Variants in HMCN2 observed in about 807,000 individuals in gnomAD.
HMCN2 encodes hemicentin 2.
In HMCN2, 325 loss-of-function variants were observed where a neutral mutation model predicts 377.5. The observed-to-expected ratio is 0.86, with a 90% confidence interval of 0.79 to 0.94. The LOEUF (loss-of-function observed/expected upper bound fraction) is 0.94, where lower values mean the gene tolerates loss of function less well. HMCN2 is among the 40% of genes least tolerant of loss of function. The pLI is 0.00. For missense variants in HMCN2, 4,543 were observed against 4,725.3 expected, an observed-to-expected ratio of 0.96 and a Z score of 1.13; for synonymous variants, 2,007 against 2,046.8, an observed-to-expected ratio of 0.98 and a Z score of 0.53.
rs1265754773 is a variant in HMCN2 at position 130,360,030 on chromosome 9, G to C, written c.5774-398G>C. On this transcript the variant is annotated intron_variant, in intron 37 of 97. Transcript: ENST00000683500. The surrounding 1 kb of genome is among the most constrained non-coding windows in gnomAD (Gnocchi z 4.7). ...GGTCCATGTTCTCTAATGCCCCCTAGGGGACGGGGTCTTCTGGTAGGGGGA... is the reference window on the plus strand; with the variant it reads ...GGTCCATGTTCTCTAATGCCCCCTACGGGACGGGGTCTTCTGGTAGGGGGA... Among the ~76,000 whole-genome samples, 1 of 152,108 alleles carries C rather than the reference G, an allele frequency of 6.6e-6. No individual in the cohort carries two copies. The highest frequency in any genetic ancestry group is 1.9e-4 in the East Asian group (1 of 5,190).
In HMCN2 at chr9:130,428,571, G is replaced by A. The variant is rs950990248; in HGVS notation, c.14197+82G>A. The A allele has an allele frequency of 2.0e-6, 3 of 1,492,534 alleles. No individual in the cohort carries two copies. The highest frequency in any genetic ancestry group is 1.4e-5 in the African/African-American group (1 of 72,262). The allele number at this position is 1,492,534 out of a possible 1,614,324, so 92.5% of individuals were successfully genotyped here. ...GGGATCAGCTGACAGGGGGCTGTGTGTCACTGGGCTCTGGGCTTCCAGGAA... is the reference window on the plus strand; with the variant it reads ...GGGATCAGCTGACAGGGGGCTGTGTATCACTGGGCTCTGGGCTTCCAGGAA... On this transcript the variant is annotated intron_variant, in intron 93 of 97. Coordinates refer to ENST00000683500, the MANE Select transcript of HMCN2 (RefSeq NM_001291815.2). The surrounding 1 kb of genome is among the most constrained non-coding windows in gnomAD (Gnocchi z 5.0).
chr9:130,284,504 C>A (rs538303223), intron 1 of HMCN2, 99 bp from the exon 2 acceptor site: 1 of 451,132 alleles, frequency 2.2e-6, no homozygotes, highest in African/African-American at 2.0e-5. Flanking sequence ...AGCCTCAGCT[C>A]CTCTGAACAT....
At chr9:130,349,178 T>G (rs1406522806) in intron 28 of HMCN2, 47 bp downstream of exon 28, 1 of 1,286,796 alleles carries the variant, frequency 7.8e-7, no homozygotes, top group Non-Finnish European at 1.0e-6. Context: ...TCTGGCCCTG[T>G]AGCCCCAACT....
At chr9:130,390,227 T>C (rs1842236263) in intron 62 of HMCN2, among the ~76,000 whole-genome samples, 1 of 152,180 alleles carries the variant, frequency 6.6e-6, no homozygotes, top group East Asian at 1.9e-4. Flanking sequence ...CAGCGGAGAT[T>C]CACCACCTCT....
At chr9:130,363,710 C>G (rs1840515436) in intron 40 of HMCN2, among the ~76,000 whole-genome samples, 1 of 151,466 alleles carries the variant, frequency 6.6e-6, no homozygotes, top group Non-Finnish European at 1.5e-5. Context: ...GTAGTCCCAG[C>G]TACTCGAAAG....
At chr9:130,331,783 G>C (rs1433536151) in intron 22 of HMCN2, among the ~76,000 whole-genome samples, 1 of 152,196 alleles carries the variant, frequency 6.6e-6, no homozygotes, top group Non-Finnish European at 1.5e-5. Context: ...GAGATGGGAC[G>C]GCTGTGAGCA....
rs1347057365 is a variant in HMCN2, at chr9:130,295,673, C to T, written c.792C>T (p.Ile264=). Residue 264 remains isoleucine, a synonymous_variant, in exon 6 of 98, where the codon ATC becomes ATT. Coordinates refer to ENST00000683500, the MANE Select transcript of HMCN2 (RefSeq NM_001291815.2). ...EIEVQDPLGR[I]LQEDEGLNVL... ...CCCTTGGGGCTTCCACAGGGAGGAT[C>T]CTGCAGGAGGACGAGGGCCTCAACG... is the stretch of plus-strand genomic sequence containing the variant. The T allele has an allele frequency of 1.3e-5, 6 of 470,736 alleles. No homozygotes were observed. Among genetic ancestry groups the T allele is most frequent in the African/African-American group, 1.2e-4 (6 of 50,062 alleles). 29.2% of individuals were successfully genotyped at this position (470,736 alleles called of 1,614,324 possible).
At chr9:130,314,537 A>G (rs2131378349) in intron 15 of HMCN2, among the ~76,000 whole-genome samples, 1 of 152,266 alleles carries the variant, frequency 6.6e-6, no homozygotes, top group African/African-American at 2.4e-5. Flanking sequence ...CTGCCACCCT[A>G]GGCCCAATCG....
At chr9:130,373,177 A>G in intron 48 of HMCN2, 53 bp downstream of exon 48, 1 of 697,932 alleles carries the variant, frequency 1.4e-6, no homozygotes, top group Non-Finnish European at 1.8e-6. Flanking sequence ...AGGCACCTTC[A>G]GAAAGGAGGG....
At chr9:130,430,086 T>C in intron 94 of HMCN2, 198 bp from the exon 95 acceptor site, 1 of 618,442 alleles carries the variant, frequency 1.6e-6, no homozygotes, top group Non-Finnish European at 2.8e-6. Context: ...AGGCTGGGCC[T>C]CTGGGAGCTG....
chr9:130,412,567 C>CTTTTTTTTTTTTTTTTTTT (rs55873444), intron 85 of HMCN2, among the ~76,000 whole-genome samples: 8 of 134,528 alleles, frequency 5.9e-5, no homozygotes, highest in East Asian at 2.2e-4. Flanking sequence ...CTTTCTTTCT[C>CTTTTTTTTTTTTTTTTTTT]TTTTTTTTTT....
chr9:130,431,246 G>T, intron 95 of HMCN2, 121 bp from the exon 96 acceptor site: 1 of 1,023,478 alleles, frequency 9.8e-7, no homozygotes, highest in South Asian at 1.6e-5. Context: ...GGCAGGACAG[G>T]GAGAAGGAGC....
At chr9:130,281,480 C>G (rs1588165994) in intron 1 of HMCN2, among the ~76,000 whole-genome samples, 1 of 152,064 alleles carries the variant, frequency 6.6e-6, no homozygotes, top group Middle Eastern at 3.4e-3. Flanking sequence ...CCTCTGTAAT[C>G]CCAGCTACTT....
Position 130,304,078 on chromosome 9 carries a change from C to T in HMCN2, c.1543+470C>T, listed in dbSNP as rs1271178336. Among the ~76,000 whole-genome samples, 2 of 152,236 alleles carry T rather than the reference C, an allele frequency of 1.3e-5. No homozygotes were observed. Among genetic ancestry groups the T allele is most frequent in the Non-Finnish European group, 2.9e-5 (2 of 68,040 alleles). On this transcript the variant is annotated intron_variant, in intron 10 of 97. Coordinates refer to ENST00000683500, the MANE Select transcript of HMCN2 (RefSeq NM_001291815.2). The surrounding 1 kb of genome is among the most constrained non-coding windows in gnomAD (Gnocchi z 4.3). ...AAGGAACCCGTAAGCGTGGAAAGAT[C>T]AGCCACTCTACATAGACAGCCAGAA...
rs763642907 is a variant in HMCN2, at chr9:130,419,059, C to T, written c.13231+18C>T. 2.3e-4 allele frequency: 344 copies of T among 1,480,776 alleles called. No homozygotes were observed. Among genetic ancestry groups the T allele is most frequent in the Middle Eastern group, 5.3e-4 (3 of 5,682 alleles). 91.7% of individuals were successfully genotyped at this position (1,480,776 alleles called of 1,614,324 possible). ...CGTGAGAGGTATGGGGCATCCCTGTCTGGACCTTCGTGGACAGAGGCAGGA... is the reference window on the plus strand; with the variant it reads ...CGTGAGAGGTATGGGGCATCCCTGTTTGGACCTTCGTGGACAGAGGCAGGA... On this transcript the variant is annotated intron_variant, in intron 86 of 97. Coordinates refer to ENST00000683500, the MANE Select transcript of HMCN2 (RefSeq NM_001291815.2).
In HMCN2 at chr9:130,394,630, C is replaced by A; in HGVS notation, c.10692+55C>A. On this transcript the variant is annotated intron_variant, in intron 69 of 97. Transcript: ENST00000683500. The surrounding 1 kb of genome is among the most constrained non-coding windows in gnomAD (Gnocchi z 5.1). ...TGGGGGTTGGGGGAGAGGGGAGGGA[C>A]TGCAGGTTCCCCAGACCCAGTGGGC... 8.3e-7 allele frequency: 1 copy of A among 1,210,312 alleles called. No individual in the cohort carries two copies. Among genetic ancestry groups the A allele is most frequent in the East Asian group, 5.7e-5 (1 of 17,404 alleles). The allele number at this position is 1,210,312 out of a possible 1,614,324, so 75.0% of individuals were successfully genotyped here. A position where few individuals can be genotyped will look rare whatever the true frequency, so the allele number is the denominator to read the frequency against.
In HMCN2 at chr9:130,410,562, C is replaced by T; in HGVS notation, c.12880-9C>T. The T allele has an allele frequency of 2.6e-6, 4 of 1,550,368 alleles. No individual in the cohort carries two copies. Among genetic ancestry groups the T allele is most frequent in the South Asian group, 1.2e-5 (1 of 84,038 alleles). On this transcript the variant is annotated splice_polypyrimidine_tract_variant and intron_variant, in intron 84 of 97. Transcript: ENST00000683500. ...AGCACCATGCCTCCTCTCCTGTGCC[C>T]ACTTGCAGAGGGACGATGCGGGACG...
At chr9:130,389,420 AG>A (rs1842187138) in intron 62 of HMCN2, among the ~76,000 whole-genome samples, 1 of 151,936 alleles carries the variant, frequency 6.6e-6, no homozygotes, top group Non-Finnish European at 1.5e-5. Flanking sequence ...CCCCAGACCC[AG>A]GAAACCACAA....
intron 7 of HMCN2, 71 bp from the exon 8 acceptor site, chr9:130,298,954 G>A (rs560902015): frequency 1.9e-4 from 79 of 410,180 alleles, no homozygotes; most frequent in Non-Finnish European, 2.9e-4. Flanking sequence ...TGGTTCGAGG[G>A]CCCCTACTTG....
Sources: gnomAD v4.1 joint callset for allele counts (sites outside exome capture counted in the v4.1 genomes callset) on GRCh38, gnomAD v4.1.1 for gene constraint, Gnocchi (gnomAD v3.1) non-coding constraint, MANE v1.5 for transcripts, NCBI Gene and HGNC (gene_info 2026-07-23, HGNC 2026-07-21) for gene names.